TFAP2E: variants seen among roughly 807,000 people sequenced by gnomAD.
The protein encoded by TFAP2E is transcription factor AP-2-epsilon.
A neutral mutation model predicts 37.9 loss-of-function variants in TFAP2E; 30 were observed. The ratio of observed to expected loss-of-function variants is 0.79; its 90% CI spans 0.59 to 1.07. TFAP2E has a LOEUF of 1.07. Among genes scored for constraint, TFAP2E ranks in the 50% least tolerant of loss-of-function variants. The probability of loss-of-function intolerance (pLI) is 0.00; values close to 1 mark genes in which losing one functional copy is unlikely to be tolerated. For missense variants in TFAP2E, 567 were observed against 637.9 expected, an observed-to-expected ratio of 0.89 and a Z score of 1.20; for synonymous variants, 318 against 295.8, an observed-to-expected ratio of 1.08 and a Z score of -0.77.
At chr1:35,592,756 G>C (rs535146723) in intron 6 of TFAP2E, among the ~76,000 whole-genome samples, 1 of 152,156 alleles carries the variant, frequency 6.6e-6, no homozygotes. Context: ...GGCAGATTCC[G>C]TGTCAGGTGA....
chr1:35,576,345 G>A (rs1007548071), intron 3 of TFAP2E, among the ~76,000 whole-genome samples: 1 of 152,158 alleles, frequency 6.6e-6, no homozygotes, highest in Non-Finnish European at 1.5e-5. Context: ...GCTTGGAACT[G>A]GGAGTGTGGG....
intron 4 of TFAP2E, 132 bp from the exon 5 acceptor site, chr1:35,589,798 G>A (rs1649598858): frequency 2.3e-6 from 2 of 870,196 alleles, no homozygotes; most frequent in Admixed American, 2.1e-5. Context: ...AGACCTCAGA[G>A]CATCCCCAGG....
At chr1:35,576,585 C>G (rs1042280421) in intron 3 of TFAP2E, among the ~76,000 whole-genome samples, 1 of 152,150 alleles carries the variant, frequency 6.6e-6, no homozygotes, top group Non-Finnish European at 1.5e-5. Flanking sequence ...CTGAGAAAGA[C>G]TAAGACCCTG....
chr1:35,582,504 T>G (rs1379395239), intron 3 of TFAP2E, among the ~76,000 whole-genome samples: 1 of 150,990 alleles, frequency 6.6e-6, no homozygotes, highest in Non-Finnish European at 1.5e-5. Context: ...TTTTTAAAAA[T>G]TATCTTTTTT....
intron 3 of TFAP2E, among the ~76,000 whole-genome samples, chr1:35,587,653 A>AAAAGAAAGAAAG (rs1553121944): frequency 8.8e-5 from 13 of 147,778 alleles, no homozygotes; most frequent in African/African-American, 3.4e-4. Context: ...AAAAAAAAAA[A>AAAAGAAAGAAAG]AAAGAAAGAA....
intron 4 of TFAP2E, among the ~76,000 whole-genome samples, chr1:35,589,186 CTCTGTGTGTGTG>C (rs1210233291): frequency 0.019 from 2,586 of 133,604 alleles, 95 homozygotes; most frequent in African/African-American, 0.07. Flanking sequence ...GTGTGTCCTG[CTCTGTGTGTGTG>C]TGTGTGTGTG....
At chr1:35,575,272 T>C (rs1383388628) in intron 3 of TFAP2E, among the ~76,000 whole-genome samples, 1 of 152,218 alleles carries the variant, frequency 6.6e-6, no homozygotes, top group Non-Finnish European at 1.5e-5. Context: ...AGGGCACTCT[T>C]GTGGATCTGG....
chr1:35,592,231 G>A, intron 6 of TFAP2E, among the ~76,000 whole-genome samples: 1 of 151,464 alleles, frequency 6.6e-6, no homozygotes, highest in South Asian at 2.1e-4. Flanking sequence ...GCTGCAGTAA[G>A]CCATGATTGC....
In TFAP2E at chr1:35,573,971, G is replaced by A; in HGVS notation, c.72G>A (p.Leu24=). The A allele has an allele frequency of 6.8e-7, 1 of 1,478,384 alleles. No homozygotes were observed. 91.6% of individuals were successfully genotyped at this position (1,478,384 alleles called of 1,614,324 possible). A position where few individuals can be genotyped will look rare whatever the true frequency, so the allele number is the denominator to read the frequency against. Residue 24 remains leucine (L), a synonymous_variant, in exon 2 of 7, where the codon CTG becomes CTA. Transcript: ENST00000373235. The surrounding 1 kb of genome is among the most constrained non-coding windows in gnomAD (Gnocchi z 5.9). ...GLGAAAGGAR[L]SSLPQAAYGP... ...GAGCAGCTGCCGGCGGGGCCCGCCTGTCGTCTCTGCCCCAGGCGGCCTACG... is the reference window on the plus strand; with the variant it reads ...GAGCAGCTGCCGGCGGGGCCCGCCTATCGTCTCTGCCCCAGGCGGCCTACG...
At chr1:35,589,672 G>T (rs534410657) in intron 4 of TFAP2E, among the ~76,000 whole-genome samples, 76 of 152,172 alleles carry the variant, frequency 5.0e-4, no homozygotes, top group African/African-American at 1.7e-3. Flanking sequence ...CACCCTGGCT[G>T]CCCCTGCTGT....
intron 3 of TFAP2E, among the ~76,000 whole-genome samples, chr1:35,578,829 C>T (rs571483242): frequency 6.6e-6 from 1 of 151,826 alleles, no homozygotes; most frequent in South Asian, 2.1e-4. Context: ...CAGTGGCTCA[C>T]GTCTGTAATC....
chr1:35,575,883 C>G (rs1649154701), intron 3 of TFAP2E, among the ~76,000 whole-genome samples: 1 of 152,178 alleles, frequency 6.6e-6, no homozygotes, highest in Admixed American at 6.5e-5. Flanking sequence ...ACACGGGATC[C>G]ACCTTTTCTG....
In TFAP2E at chr1:35,573,973, C is replaced by G. The variant is rs1200229717; in HGVS notation, c.74C>G (p.Ser25Trp). Residue 25 changes from serine to tryptophan, a missense_variant, in exon 2 of 7, where the codon TCG (serine) becomes TGG (tryptophan). By Grantham distance (177) the Ser-to-Trp change is radical (BLOSUM62 -3). Around this residue, in one of 3 missense-constraint regions of TFAP2E, gnomAD observed 312 missense variants for 317.4 expected, o/e 0.98. Coordinates refer to ENST00000373235, the MANE Select transcript of TFAP2E (RefSeq NM_178548.4). The surrounding 1 kb of genome is among the most constrained non-coding windows in gnomAD (Gnocchi z 5.9). Reference sequence around the variant, plus strand: ...GCAGCTGCCGGCGGGGCCCGCCTGTCGTCTCTGCCCCAGGCGGCCTACGGG... The same window carrying G: ...GCAGCTGCCGGCGGGGCCCGCCTGTGGTCTCTGCCCCAGGCGGCCTACGGG... ...LGAAAGGARLSSLPQAAYGPA... is the reference protein window; with the variant it reads ...LGAAAGGARLWSLPQAAYGPA... The G allele has an allele frequency of 6.8e-7, 1 of 1,478,538 alleles. No individual in the cohort carries two copies. Among genetic ancestry groups the G allele is most frequent in the Non-Finnish European group, 8.9e-7 (1 of 1,127,374 alleles). The allele number at this position is 1,478,538 out of a possible 1,614,324, so 91.6% of individuals were successfully genotyped here. A position where few individuals can be genotyped will look rare whatever the true frequency, so the allele number is the denominator to read the frequency against.
chr1:35,589,805 C>T (rs1181261814), intron 4 of TFAP2E, 125 bp from the exon 5 acceptor site: 1 of 965,270 alleles, frequency 1.0e-6, no homozygotes, highest in African/African-American at 1.6e-5. Context: ...AGAGCATCCC[C>T]AGGACCAATC....
At position 35,574,062 on chromosome 1, in the gene TFAP2E, T is replaced by G; in HGVS notation, c.163T>G (p.Phe55Val). The G allele has an allele frequency of 6.7e-7, 1 of 1,482,000 alleles. No individual in the cohort carries two copies. Among genetic ancestry groups the G allele is most frequent in the Non-Finnish European group, 8.9e-7 (1 of 1,120,900 alleles). 91.8% of individuals were successfully genotyped at this position (1,482,000 alleles called of 1,614,324 possible). A position where few individuals can be genotyped will look rare whatever the true frequency, so the allele number is the denominator to read the frequency against. ...TAAAEFQPPY[F>V]PPPYPQPPLP... ...TGCCGCCGAATTCCAGCCGCCCTAC[T>G]TCCCGCCGCCCTACCCGCAGCCACC... The change falls in exon 2 of 7, where the codon TTC (phenylalanine) becomes GTC (valine). Residue 55 changes from phenylalanine to valine, a missense_variant. Physicochemically the swap from Phe to Val is conservative, Grantham distance 50. Transcript: ENST00000373235.
Position 35,592,621 on chromosome 1 carries a change from G to A in TFAP2E, c.1047-1773G>A, listed in dbSNP as rs146091913. On this transcript the variant is annotated intron_variant, in intron 6 of 6. Transcript: ENST00000373235. ...TTGGCCAGGCTGGTCTCAAACTCCC[G>A]ACCTCACATGATCCACCTGCCTTGG... is the stretch of plus-strand genomic sequence containing the variant. Among the ~76,000 whole-genome samples, 520 of 152,186 alleles carry A rather than the reference G, an allele frequency of 3.4e-3. 3 individuals are homozygous for A. Among genetic ancestry groups the A allele is most frequent in the African/African-American group, 0.012 (496 of 41,524 alleles).
Position 35,574,061 on chromosome 1 carries a change from C to A in TFAP2E, c.162C>A (p.Tyr54Ter). The A allele has an allele frequency of 2.7e-6, 4 of 1,483,760 alleles. No individual in the cohort carries two copies. Among genetic ancestry groups the A allele is most frequent in the Non-Finnish European group, 3.6e-6 (4 of 1,121,936 alleles). The allele number at this position is 1,483,760 out of a possible 1,614,324, so 91.9% of individuals were successfully genotyped here. Residue 54 changes from tyrosine (Y) to a stop codon, truncating the protein, a stop_gained, in exon 2 of 7, where the codon TAC (tyrosine) becomes TAA (stop). Transcript: ENST00000373235. LOFTEE classifies it high-confidence loss of function. ...ATAAAEFQPP[Y>*]FPPPYPQPPL... ...CTGCCGCCGAATTCCAGCCGCCCTACTTCCCGCCGCCCTACCCGCAGCCAC... is the reference window on the plus strand; with the variant it reads ...CTGCCGCCGAATTCCAGCCGCCCTAATTCCCGCCGCCCTACCCGCAGCCAC...
In TFAP2E at chr1:35,577,915, A is replaced by G. The variant is rs1649229882; in HGVS notation, c.562+2915A>G. ...AGGGAGCCCTCCATTTCCTGCCCAC[A>G]TTTGTCACCTCCAGTTTTGCAACCT... On this transcript the variant is annotated intron_variant, in intron 3 of 6. Coordinates refer to ENST00000373235, the MANE Select transcript of TFAP2E (RefSeq NM_178548.4). This position sits in a 1 kb window ranked among gnomAD's most constrained non-coding sequence, Gnocchi z 6.3. Among the ~76,000 whole-genome samples the G allele has an allele frequency of 3.9e-5, 6 of 152,118 alleles. No homozygotes were observed. The highest frequency in any genetic ancestry group is 3.9e-4 in the Admixed American group (6 of 15,280).
intron 3 of TFAP2E, among the ~76,000 whole-genome samples, chr1:35,582,391 T>A (rs1004656101): frequency 2.6e-5 from 4 of 152,122 alleles, no homozygotes; most frequent in Non-Finnish European, 4.4e-5. Context: ...TAATATATTC[T>A]GAATACAGTC....
Sources: gnomAD v4.1 joint callset for allele counts (sites outside exome capture counted in the v4.1 genomes callset) on GRCh38, gnomAD v4.1.1 for gene constraint, gnomAD v4.1.1 regional missense constraint, Gnocchi (gnomAD v3.1) non-coding constraint, MANE v1.5 for transcripts, NCBI Gene and HGNC (gene_info 2026-07-23, HGNC 2026-07-21) for gene names.